TRHDE: variants seen among roughly 807,000 people sequenced by gnomAD.
The protein encoded by TRHDE is thyrotropin-releasing hormone-degrading ectoenzyme.
TRHDE carries 72 observed loss-of-function variants against 125.7 expected under a neutral mutation model. That is an observed-to-expected ratio of 0.57 (90% confidence interval 0.47 to 0.70). The LOEUF (loss-of-function observed/expected upper bound fraction) is 0.70, where lower values mean the gene tolerates loss of function less well. TRHDE is among the 30% of genes least tolerant of loss of function. The probability of loss-of-function intolerance (pLI) is 0.00; values close to 1 mark genes in which losing one functional copy is unlikely to be tolerated. For missense variants in TRHDE, 1,110 were observed against 1,327.1 expected (o/e 0.84, Z 2.54); for synonymous variants, 509 against 509.1 (o/e 1.00, Z 0.00).
At chr12:72,179,706 C>A (rs1046301531) in intron 2 of TRHDE, among the ~76,000 whole-genome samples, 9 of 152,126 alleles carry the variant, frequency 5.9e-5, no homozygotes, top group African/African-American at 2.2e-4. Flanking sequence ...TAGTTATATT[C>A]TTATATTATT....
intron 2 of TRHDE, among the ~76,000 whole-genome samples, chr12:72,234,622 T>C (rs1878306568): frequency 1.3e-5 from 2 of 152,180 alleles, no homozygotes. Flanking sequence ...TTATGATTTG[T>C]ATTATAATGA....
intron 12 of TRHDE, among the ~76,000 whole-genome samples, chr12:72,611,889 A>G (rs1303416484): frequency 6.6e-6 from 1 of 152,210 alleles, no homozygotes; most frequent in Non-Finnish European, 1.5e-5. Context: ...AGCTTATACA[A>G]TATCTTCTCT....
intron 1 of TRHDE, among the ~76,000 whole-genome samples, chr12:72,090,078 G>A (rs1335225912): frequency 6.6e-6 from 1 of 152,144 alleles, no homozygotes; most frequent in African/African-American, 2.4e-5. Flanking sequence ...GGAAGAATAG[G>A]AAGGAAAACA....
In TRHDE at chr12:72,462,807, C is replaced by T. The variant is rs925792174; in HGVS notation, c.1316-6951C>T. On this transcript the variant is annotated intron_variant, in intron 3 of 18. Coordinates refer to ENST00000261180, the MANE Select transcript of TRHDE (RefSeq NM_013381.3). ...TTGCAGTCTCATATTATCTATTTGT[C>T]TATTTGTGTATTATTTGGCCCCCTG... 2.6e-5 allele frequency among the ~76,000 whole-genome samples: 4 copies of T among 152,084 alleles called. No individual in the cohort carries two copies. The East Asian group carries it at 7.7e-4, about 29-fold the overall frequency.
chr12:72,563,653 A>AAAT (rs2136012829), intron 9 of TRHDE, among the ~76,000 whole-genome samples: 1 of 152,316 alleles, frequency 6.6e-6, no homozygotes, highest in African/African-American at 2.4e-5. Context: ...ATAACTCAGC[A>AAAT]AATAGCATTT....
chr12:72,292,181 C>A (rs971100039), intron 2 of TRHDE, among the ~76,000 whole-genome samples: 1 of 152,076 alleles, frequency 6.6e-6, no homozygotes, highest in Non-Finnish European at 1.5e-5. Flanking sequence ...AGCCTTTTGC[C>A]TTTTTGAAGA....
chr12:72,271,109 G>C (rs931174568), upstream of TRHDE, among the ~76,000 whole-genome samples: 1 of 152,194 alleles, frequency 6.6e-6, no homozygotes, highest in Non-Finnish European at 1.5e-5. Flanking sequence ...TAGACATTGT[G>C]TGTTAATCGT....
At chr12:72,652,224 TA>T in intron 15 of TRHDE, 97 bp from the exon 16 acceptor site, 1 of 817,320 alleles carries the variant, frequency 1.2e-6, no homozygotes, top group Non-Finnish European at 1.7e-6. Context: ...AATAATCTTT[TA>T]AAAAACTGAC....
At chr12:72,545,224 T>C (rs147829667) in intron 7 of TRHDE, among the ~76,000 whole-genome samples, 18 of 151,570 alleles carry the variant, frequency 1.2e-4, no homozygotes, top group Non-Finnish European at 2.4e-4. Context: ...TTTTTGCAAA[T>C]TCTACATGTC....
intron 3 of TRHDE, among the ~76,000 whole-genome samples, chr12:72,462,898 A>G (rs2135887672): frequency 6.6e-6 from 1 of 152,290 alleles, no homozygotes; most frequent in Non-Finnish European, 1.5e-5. Flanking sequence ...CATCTTTGTT[A>G]GTCTCCTTCT....
chr12:72,171,698 A>G (rs1013172800), intron 2 of TRHDE, among the ~76,000 whole-genome samples: 5 of 152,174 alleles, frequency 3.3e-5, no homozygotes, highest in Admixed American at 1.3e-4. Context: ...GGGACCAGGG[A>G]GCCAACACAA....
rs75758689 is a variant in TRHDE at position 72,587,769 on chromosome 12, C to A, written c.2321+12227C>A. Among the ~76,000 whole-genome samples, 384 of 152,010 alleles carry A rather than the reference C, an allele frequency of 2.5e-3. 10 individuals are homozygous for A. In the East Asian group the frequency reaches 0.065, roughly 26 times the overall value. ...TAGCTATCACATGTAACATAAGTTACAAGTGTTTGATGCAGAAATTTTAAA... is the reference window on the plus strand; with the variant it reads ...TAGCTATCACATGTAACATAAGTTAAAAGTGTTTGATGCAGAAATTTTAAA... On this transcript the variant is annotated intron_variant, in intron 12 of 18. Coordinates refer to ENST00000261180, the MANE Select transcript of TRHDE (RefSeq NM_013381.3).
At chr12:72,402,635 T>G (rs1292117002) in intron 3 of TRHDE, among the ~76,000 whole-genome samples, 3 of 152,200 alleles carry the variant, frequency 2.0e-5, no homozygotes, top group Non-Finnish European at 4.4e-5. Flanking sequence ...GTGCAAAGAC[T>G]ATTTCCAAGT....
chr12:72,657,320 A>G (rs1314841396), intron 18 of TRHDE, among the ~76,000 whole-genome samples: 1 of 152,166 alleles, frequency 6.6e-6, no homozygotes, highest in African/African-American at 2.4e-5. Flanking sequence ...CCACTGTAGG[A>G]TTCACTAAAT....
At chr12:72,197,310 T>C (rs1401104580) in intron 2 of TRHDE, among the ~76,000 whole-genome samples, 1 of 152,118 alleles carries the variant, frequency 6.6e-6, no homozygotes, top group Non-Finnish European at 1.5e-5. Context: ...CCCACAATGG[T>C]ACTTTCTTTC....
At chr12:72,298,543 C>T (rs761064969) in intron 2 of TRHDE, among the ~76,000 whole-genome samples, 17 of 151,970 alleles carry the variant, frequency 1.1e-4, no homozygotes, top group Non-Finnish European at 2.5e-4. Flanking sequence ...CTGTTTTTGG[C>T]CAAGCCTTTA....
chr12:72,343,991 A>G (rs992064089), intron 2 of TRHDE, among the ~76,000 whole-genome samples: 17 of 146,718 alleles, frequency 1.2e-4, no homozygotes, highest in African/African-American at 4.4e-4. Flanking sequence ...TACATTTCTT[A>G]TATATATATA....
intron 18 of TRHDE, among the ~76,000 whole-genome samples, chr12:72,659,113 G>A (rs768900953): frequency 8.5e-5 from 13 of 152,116 alleles, no homozygotes; most frequent in Non-Finnish European, 1.8e-4. Context: ...GCATCTTTAT[G>A]AATTCTGAAA....
intron 3 of TRHDE, among the ~76,000 whole-genome samples, chr12:72,386,767 A>G (rs1172644227): frequency 1.3e-5 from 2 of 152,120 alleles, no homozygotes; most frequent in Non-Finnish European, 2.9e-5. Flanking sequence ...GCTAAATCCA[A>G]TGCTCCATTC....
Sources: gnomAD v4.1 joint callset for allele counts (sites outside exome capture counted in the v4.1 genomes callset) on GRCh38, gnomAD v4.1.1 for gene constraint, MANE v1.5 for transcripts, NCBI Gene and HGNC (gene_info 2026-07-23, HGNC 2026-07-21) for gene names.